Variants in SPAG16 observed in about 807,000 individuals in gnomAD.
SPAG16 encodes the protein sperm-associated antigen 16 protein.
In SPAG16, 86 loss-of-function variants were observed where a neutral mutation model predicts 80.4. The observed-to-expected ratio is 1.07, with a 90% confidence interval of 0.90 to 1.28. The LOEUF (loss-of-function observed/expected upper bound fraction) is 1.28. Ranked by LOEUF, SPAG16 falls within the 50% of genes most tolerant of loss-of-function variation. The pLI is 0.00. For synonymous variants in SPAG16, 294 were observed against 265.9 expected, an observed-to-expected ratio of 1.11 and a Z score of -1.03; for missense variants, 870 against 765.3, an observed-to-expected ratio of 1.14 and a Z score of -1.61.
intron 10 of SPAG16, among the ~76,000 whole-genome samples, chr2:213,624,745 C>T (rs890165039): frequency 6.6e-6 from 1 of 152,180 alleles, no homozygotes; most frequent in East Asian, 1.9e-4. Context: ...TTCCTCTGTA[C>T]TTGCTGAATG....
intron 3 of SPAG16, among the ~76,000 whole-genome samples, chr2:213,307,704 A>G (rs1019034855): frequency 6.6e-6 from 1 of 152,072 alleles, no homozygotes; most frequent in Non-Finnish European, 1.5e-5. Flanking sequence ...TATACCCAGT[A>G]ATGGGATGGC....
intron 15 of SPAG16, among the ~76,000 whole-genome samples, chr2:214,339,985 G>A (rs1482305825): frequency 1.3e-5 from 2 of 152,124 alleles, no homozygotes; most frequent in Non-Finnish European, 2.9e-5. Flanking sequence ...ATGCCATGAT[G>A]GACTCCTGAC....
At chr2:214,353,402 AG>A (rs1022396946) in intron 15 of SPAG16, among the ~76,000 whole-genome samples, 1 of 152,202 alleles carries the variant, frequency 6.6e-6, no homozygotes, top group African/African-American at 2.4e-5. Context: ...GGCTAAAAAA[AG>A]AAGTCATATT....
chr2:213,510,517 A>T (rs1226159373), intron 10 of SPAG16, among the ~76,000 whole-genome samples: 1 of 152,176 alleles, frequency 6.6e-6, no homozygotes, highest in Non-Finnish European at 1.5e-5. Context: ...ATATAAATTC[A>T]TATTAAATTT....
chr2:214,268,744 G>GGTGTGT (rs56365941), intron 15 of SPAG16, among the ~76,000 whole-genome samples: 2 of 150,042 alleles, frequency 1.3e-5, no homozygotes, highest in African/African-American at 2.4e-5. Flanking sequence ...GCATCTGAAG[G>GGTGTGT]GTGTGTGTGT....
chr2:213,978,771 A>C (rs2045547666), intron 12 of SPAG16, among the ~76,000 whole-genome samples: 1 of 152,046 alleles, frequency 6.6e-6, no homozygotes, highest in Admixed American at 6.6e-5. Flanking sequence ...TGGGGCAGGA[A>C]GATCTGTTTT....
intron 11 of SPAG16, among the ~76,000 whole-genome samples, chr2:213,904,600 CAAA>C (rs34952255): frequency 0.33 from 30,313 of 90,722 alleles, 3,200 homozygotes; most frequent in South Asian, 0.47. Context: ...ATAAATTTTG[CAAA>C]AAAAAAAAAA....
At chr2:214,402,091 A>C (rs1335518459) in intron 15 of SPAG16, among the ~76,000 whole-genome samples, 3 of 152,000 alleles carry the variant, frequency 2.0e-5, no homozygotes, top group East Asian at 1.9e-4. Flanking sequence ...CCCCAAGGAA[A>C]CACAACTCTT....
At chr2:213,487,401 C>G (rs1287201174) in intron 9 of SPAG16, among the ~76,000 whole-genome samples, 1 of 152,002 alleles carries the variant, frequency 6.6e-6, no homozygotes, top group Non-Finnish European at 1.5e-5. Flanking sequence ...TATTTTACCT[C>G]TTCTATCCTG....
Position 213,468,850 on chromosome 2 carries a change from G to A in SPAG16, c.943-21113G>A, listed in dbSNP as rs532523508. 5.3e-5 allele frequency among the ~76,000 whole-genome samples: 8 copies of A among 151,976 alleles called. No individual in the cohort carries two copies. The South Asian group carries it at 1.7e-3, about 32-fold the overall frequency. ...TGTGGAGCAAGGAGAGCCAGTTCAA[G>A]TCCCAAAACTGAAAAATTTGGAGTC... On this transcript the variant is annotated intron_variant, in intron 9 of 15. Transcript: ENST00000331683.
chr2:213,750,644 T>G (rs2068037553), intron 10 of SPAG16, among the ~76,000 whole-genome samples: 1 of 152,220 alleles, frequency 6.6e-6, no homozygotes, highest in Non-Finnish European at 1.5e-5. Context: ...CCTCTCTCTA[T>G]TCAACCTTTT....
intron 10 of SPAG16, among the ~76,000 whole-genome samples, chr2:213,529,694 TG>T (rs1312213113): frequency 7.2e-5 from 11 of 152,162 alleles, no homozygotes; most frequent in Admixed American, 6.5e-5. Flanking sequence ...TGTAACACAA[TG>T]GTCAGTATTT....
At chr2:213,412,252 A>G (rs967969466) in intron 9 of SPAG16, among the ~76,000 whole-genome samples, 31 of 152,284 alleles carry the variant, frequency 2.0e-4, no homozygotes, top group Non-Finnish European at 2.9e-5. Context: ...TAAATTAGCC[A>G]ATCGGAATTA....
intron 10 of SPAG16, among the ~76,000 whole-genome samples, chr2:213,794,269 AG>A (rs2070882329): frequency 6.6e-6 from 1 of 151,996 alleles, no homozygotes; most frequent in Admixed American, 6.6e-5. Flanking sequence ...TATTTTCAGC[AG>A]TTTTTTCTGT....
intron 12 of SPAG16, among the ~76,000 whole-genome samples, chr2:214,012,288 A>ATTTTTTTTTTTTTT (rs778689045): frequency 2.6e-4 from 12 of 46,804 alleles, no homozygotes; most frequent in African/African-American, 1.1e-3. Flanking sequence ...ATATATATAT[A>ATTTTTTTTTTTTTT]TTTTTTTTTT....
intron 7 of SPAG16, among the ~76,000 whole-genome samples, chr2:213,350,969 C>A (rs1241594264): frequency 1.4e-5 from 2 of 140,976 alleles, no homozygotes; most frequent in Non-Finnish European, 3.1e-5. Context: ...ACTAAAAATA[C>A]AAAAAAAAAA....
At chr2:213,897,823 T>C (rs191507929) in intron 11 of SPAG16, among the ~76,000 whole-genome samples, 40 of 152,304 alleles carry the variant, frequency 2.6e-4, no homozygotes, top group Admixed American at 2.3e-3. Flanking sequence ...ATTCTGCTCA[T>C]AAAATCCCAT....
intron 10 of SPAG16, among the ~76,000 whole-genome samples, chr2:213,521,422 G>A (rs770645694): frequency 3.3e-5 from 5 of 152,138 alleles, no homozygotes; most frequent in Admixed American, 6.5e-5. Context: ...CTTCTCTTCA[G>A]GCTTGTCAGC....
intron 10 of SPAG16, among the ~76,000 whole-genome samples, chr2:213,693,398 A>G (rs2065027194): frequency 6.6e-6 from 1 of 152,226 alleles, no homozygotes; most frequent in Admixed American, 6.5e-5. Flanking sequence ...GCCCTACCTC[A>G]GCACACTGAC....
Sources: gnomAD v4.1 joint callset for allele counts (sites outside exome capture counted in the v4.1 genomes callset) on GRCh38, gnomAD v4.1.1 for gene constraint, MANE v1.5 for transcripts, NCBI Gene and HGNC (gene_info 2026-07-23, HGNC 2026-07-21) for gene names.